SNRPB2: variants seen among roughly 807,000 people sequenced by gnomAD.
SNRPB2 encodes the protein small nuclear ribonucleoprotein polypeptide B2, also known as U2 small nuclear ribonucleoprotein B''.
SNRPB2 carries 16 observed loss-of-function variants against 26.3 expected under a neutral mutation model. The ratio of observed to expected loss-of-function variants is 0.61; its 90% CI spans 0.41 to 0.92. The LOEUF (loss-of-function observed/expected upper bound fraction) is 0.92, where lower values mean the gene tolerates loss of function less well. SNRPB2 is among the 40% of genes least tolerant of loss of function. The probability of loss-of-function intolerance (pLI) is 0.00; values close to 1 mark genes in which losing one functional copy is unlikely to be tolerated. For missense variants in SNRPB2, 179 were observed against 268.1 expected, an observed-to-expected ratio of 0.67 and a Z score of 2.32; for synonymous variants, 75 against 89.0, an observed-to-expected ratio of 0.84 and a Z score of 0.88.
intron 1 of SNRPB2, among the ~76,000 whole-genome samples, chr20:16,731,295 A>G (rs1358703018): frequency 2.6e-5 from 4 of 152,206 alleles, no homozygotes; most frequent in Admixed American, 2.0e-4. Flanking sequence ...TAACCTTATG[A>G]TTTTTACTGG....
At chr20:16,735,216 T>G (rs2072417395) in intron 3 of SNRPB2, among the ~76,000 whole-genome samples, 1 of 151,308 alleles carries the variant, frequency 6.6e-6, no homozygotes, top group Non-Finnish European at 1.5e-5. Context: ...CACACTACTT[T>G]AAAATGTTTC....
At chr20:16,733,802 C>G (rs545074802) in intron 3 of SNRPB2, among the ~76,000 whole-genome samples, 1 of 152,314 alleles carries the variant, frequency 6.6e-6, no homozygotes, top group East Asian at 1.9e-4. Flanking sequence ...TTCTCATCCT[C>G]TATCCAGCTC....
intron 5 of SNRPB2, among the ~76,000 whole-genome samples, chr20:16,739,139 CAG>C (rs1178233784): frequency 1.2e-4 from 18 of 151,918 alleles, no homozygotes; most frequent in Non-Finnish European, 5.9e-5. Context: ...GAATCAATGA[CAG>C]AATCAAAATG....
rs771474550 is a variant in SNRPB2, at chr20:16,742,296, C to G, written c.*1291C>G. On this transcript the variant is annotated 3_prime_UTR_variant, in exon 7 of 7. Transcript: ENST00000246071. ...GATAAATTTTCTAACTGCTTACTCTCGGATACCGTACTTGTCTAAGAACTG... is the reference window on the plus strand; with the variant it reads ...GATAAATTTTCTAACTGCTTACTCTGGGATACCGTACTTGTCTAAGAACTG... The G allele has an allele frequency of 6.6e-6, 1 of 152,162 alleles. No individual in the cohort carries two copies. Among genetic ancestry groups the G allele is most frequent in the Admixed American group, 6.5e-5 (1 of 15,278 alleles). 9.4% of individuals were successfully genotyped at this position (152,162 alleles called of 1,614,324 possible). A position where few individuals can be genotyped will look rare whatever the true frequency, so the allele number is the denominator to read the frequency against.
intron 2 of SNRPB2, 140 bp from the exon 3 acceptor site, chr20:16,732,022 GTA>G (rs2072395298): frequency 1.6e-6 from 1 of 624,212 alleles, no homozygotes; most frequent in African/African-American, 1.9e-5. Flanking sequence ...AATGGGAATA[GTA>G]TATGTTTTTA....
Position 16,737,279 on chromosome 20 carries a change from A to G in SNRPB2, c.256A>G (p.Thr86Ala). 1 of 1,594,004 alleles carries G rather than the reference A, an allele frequency of 6.3e-7. No individual in the cohort carries two copies. The highest frequency in any genetic ancestry group is 8.5e-7 in the Non-Finnish European group (1 of 1,174,598). The change falls in exon 4 of 7, where the codon ACA becomes GCA. Residue 86 changes from threonine (T) to alanine (A), a missense_variant. Coordinates refer to ENST00000246071, the MANE Select transcript of SNRPB2 (RefSeq NM_003092.5). ...GKPMRIQYAK[T>A]DSDIISKMRG... ...AAAACAGCGAATACAGTATGCAAAAACAGATTCGGATATAATATCAAAAAT... is the reference window on the plus strand; with the variant it reads ...AAAACAGCGAATACAGTATGCAAAAGCAGATTCGGATATAATATCAAAAAT...
chr20:16,732,246 G>A lies in SNRPB2; in HGVS notation c.147G>A (p.Arg49=). Residue 49 remains arginine (R), a synonymous_variant, in exon 3 of 7, where the codon AGG becomes AGA. Transcript: ENST00000246071. ...DIVALKTMKM[R]GQAFVIFKEL... ...TGGCTTTAAAGACCATGAAGATGAG[G>A]GGGCAGGCCTTTGTCATATTTAAGG... 4.4e-6 allele frequency: 7 copies of A among 1,600,838 alleles called. No homozygotes were observed. The highest frequency in any genetic ancestry group is 6.0e-6 in the Non-Finnish European group (7 of 1,170,052).
In SNRPB2 at chr20:16,736,988, C is replaced by T. The variant is rs115330198; in HGVS notation, c.238-273C>T. Among the ~76,000 whole-genome samples the T allele has an allele frequency of 2.1e-3, 318 of 152,078 alleles. 2 individuals carry two copies. The highest frequency in any genetic ancestry group is 7.3e-3 in the African/African-American group (301 of 41,480). The stretch of plus-strand genomic sequence containing the variant: ...ATTCTTTGATTAAATGGAGAGAAGC[C>T]GTGGTACAGATATTTCAAAGTCCTG... On this transcript the variant is annotated intron_variant, in intron 3 of 6. Transcript: ENST00000246071.
At chr20:16,738,947 A>T in intron 5 of SNRPB2, 45 bp downstream of exon 5, 1 of 1,277,434 alleles carries the variant, frequency 7.8e-7, no homozygotes, top group Non-Finnish European at 1.1e-6. Flanking sequence ...TAAGATTGTA[A>T]AAATTACAGC....
rs1042768102 is a variant in SNRPB2, at chr20:16,741,072, T to C, written c.*67T>C. On this transcript the variant is annotated 3_prime_UTR_variant, in exon 7 of 7. Transcript: ENST00000246071. ...AGTGTTTGTTTTGATAACATTTGGC[T>C]GGGTCATTTTAATAGTTAGAGATGA... 8.1e-7 allele frequency: 1 copy of C among 1,239,088 alleles called. No homozygotes were observed. The highest frequency in any genetic ancestry group is 2.3e-5 in the Admixed American group (1 of 43,890). The allele number at this position is 1,239,088 out of a possible 1,614,324, so 76.8% of individuals were successfully genotyped here. A position where few individuals can be genotyped will look rare whatever the true frequency, so the allele number is the denominator to read the frequency against.
At position 16,740,245 on chromosome 20, in the gene SNRPB2, G is replaced by A. The variant is rs2072454378; in HGVS notation, c.430-80G>A. 7 of 1,573,526 alleles carry A rather than the reference G, an allele frequency of 4.4e-6. No individual in the cohort carries two copies. In the South Asian group the frequency reaches 8.0e-5, roughly 18 times the overall value. ...TCATTGTTTTTCAGCTTTATTGTTT[G>A]ATATAGTAAGATTTCACATGCCTAG... On this transcript the variant is annotated intron_variant, in intron 5 of 6. Transcript: ENST00000246071.
chr20:16,731,227 G>C (rs2072387984), intron 1 of SNRPB2, among the ~76,000 whole-genome samples: 1 of 152,144 alleles, frequency 6.6e-6, no homozygotes, highest in South Asian at 2.1e-4. Context: ...CAAATTAATA[G>C]GTATGGAAGG....
Position 16,734,507 on chromosome 20 carries a change from A to G in SNRPB2, c.237+2171A>G, listed in dbSNP as rs41412547. Among the ~76,000 whole-genome samples the G allele has an allele frequency of 9.8e-3, 1,486 of 152,326 alleles. 43 individuals are homozygous for G. Among genetic ancestry groups the G allele is most frequent in the African/African-American group, 0.033 (1,392 of 41,562 alleles). ...TGTCTTCCTAAGGGCTTCGTCATGA[A>G]AACTTTGGCATAAGTGTAAATCTTG... On this transcript the variant is annotated intron_variant, in intron 3 of 6. Coordinates refer to ENST00000246071, the MANE Select transcript of SNRPB2 (RefSeq NM_003092.5).
In SNRPB2 at chr20:16,737,288, G is replaced by A; in HGVS notation, c.265G>A (p.Asp89Asn). The change falls in exon 4 of 7, where the codon GAT (aspartate) becomes AAT (asparagine). Residue 89 changes from aspartate (D) to asparagine (N), a missense_variant. Physicochemically the swap from Asp to Asn is conservative, Grantham distance 23. Coordinates refer to ENST00000246071, the MANE Select transcript of SNRPB2 (RefSeq NM_003092.5). ...MRIQYAKTDSDIISKMRGTFA... is the reference protein window; with the variant it reads ...MRIQYAKTDSNIISKMRGTFA... ...AATACAGTATGCAAAAACAGATTCGGATATAATATCAAAAATGCGTGGAAC... is the reference window on the plus strand; with the variant it reads ...AATACAGTATGCAAAAACAGATTCGAATATAATATCAAAAATGCGTGGAAC... 2 of 1,595,326 alleles carry A rather than the reference G, an allele frequency of 1.3e-6. No homozygotes were observed. The highest frequency in any genetic ancestry group is 1.2e-5 in the South Asian group (1 of 86,164).
At chr20:16,734,335 T>G (rs2072411692) in intron 3 of SNRPB2, among the ~76,000 whole-genome samples, 2 of 152,212 alleles carry the variant, frequency 1.3e-5, no homozygotes, top group African/African-American at 4.8e-5. Context: ...TATGTCTTAC[T>G]GTGGTTGTAG....
In SNRPB2 at chr20:16,735,288, A is replaced by G. The variant is rs114868940; in HGVS notation, c.238-1973A>G. 4.3e-3 allele frequency among the ~76,000 whole-genome samples: 637 copies of G among 146,698 alleles called. 7 individuals are homozygous for G. The highest frequency in any genetic ancestry group is 0.016 in the African/African-American group (601 of 38,508). ...CGAGGCAATAAAATTTTGCATACCT[A>G]TTGTATACAAAGTAATTTGTACAGA... On this transcript the variant is annotated intron_variant, in intron 3 of 6. Transcript: ENST00000246071.
chr20:16,730,724 A>G (rs1331892359), intron 1 of SNRPB2: 2 of 152,238 alleles, frequency 1.3e-5, no homozygotes, highest in Admixed American at 1.3e-4. Flanking sequence ...ATACTGTGAG[A>G]TAAAGGAATA....
At chr20:16,740,765 A>G (rs2072457816) in intron 6 of SNRPB2, 81 bp from the exon 7 acceptor site, 1 of 1,042,784 alleles carries the variant, frequency 9.6e-7, no homozygotes, top group African/African-American at 1.6e-5. Context: ...GACTAGTATT[A>G]GGAAGTTGCT....
At chr20:16,736,456 A>G (rs1212483736) in intron 3 of SNRPB2, among the ~76,000 whole-genome samples, 1 of 152,216 alleles carries the variant, frequency 6.6e-6, no homozygotes, top group Admixed American at 6.5e-5. Flanking sequence ...AGTTTTATTT[A>G]AATCCTCACA....
Sources: gnomAD v4.1 joint callset for allele counts (sites outside exome capture counted in the v4.1 genomes callset) on GRCh38, gnomAD v4.1.1 for gene constraint, MANE v1.5 for transcripts, NCBI Gene and HGNC (gene_info 2026-07-23, HGNC 2026-07-21) for gene names.